The following RANBP17 variants were observed in gnomAD, a reference collection of about 807,000 sequenced individuals.
RANBP17 encodes ran-binding protein 17.
In RANBP17, 158 loss-of-function variants were observed where a neutral mutation model predicts 141.2. The observed-to-expected ratio is 1.12, with a 90% CI of 0.98 to 1.28. RANBP17 has a LOEUF of 1.28. Among genes scored for constraint, RANBP17 ranks in the 50% most tolerant of loss-of-function variants. The pLI is 0.00. For missense variants in RANBP17, 1,438 were observed against 1,290.7 expected, an observed-to-expected ratio of 1.11 and a Z score of -1.75; for synonymous variants, 430 against 450.0, an observed-to-expected ratio of 0.96 and a Z score of 0.56.
chr5:171,094,338 T>C (rs75198189), intron 14 of RANBP17, among the ~76,000 whole-genome samples: 2 of 152,130 alleles, frequency 1.3e-5, no homozygotes, highest in African/African-American at 4.8e-5. Context: ...ACATTTTCTT[T>C]AGTAAAAATA....
chr5:171,048,393 G>C (rs1022748998), intron 14 of RANBP17, among the ~76,000 whole-genome samples: 1 of 151,974 alleles, frequency 6.6e-6, no homozygotes, highest in Admixed American at 6.6e-5. Context: ...TTTTTAATCT[G>C]TTCACACAAT....
At chr5:170,875,417 A>C (rs981065517) in intron 1 of RANBP17, among the ~76,000 whole-genome samples, 2 of 152,114 alleles carry the variant, frequency 1.3e-5, no homozygotes, top group African/African-American at 4.8e-5. Flanking sequence ...GTGTTTTCCA[A>C]CTTGGTTCCA....
intron 3 of RANBP17, among the ~76,000 whole-genome samples, chr5:170,888,166 TGTGTTCGGTATG>T (rs771348099): frequency 3.3e-4 from 51 of 152,276 alleles, no homozygotes; most frequent in Middle Eastern, 3.4e-3. Flanking sequence ...ATTTTGGTAT[TGTGTTCGGTATG>T]GTGTTCGGTA....
At chr5:171,048,527 A>G (rs1209811560) in intron 14 of RANBP17, among the ~76,000 whole-genome samples, 1 of 151,762 alleles carries the variant, frequency 6.6e-6, no homozygotes, top group Non-Finnish European at 1.5e-5. Context: ...GGTTTGTTAC[A>G]TAGGTAAATT....
At chr5:171,066,043 G>A (rs1456427106) in intron 14 of RANBP17, among the ~76,000 whole-genome samples, 1 of 151,786 alleles carries the variant, frequency 6.6e-6, no homozygotes, top group Non-Finnish European at 1.5e-5. Flanking sequence ...TGTATTTTTA[G>A]TAGAGACAGG....
intron 12 of RANBP17, among the ~76,000 whole-genome samples, chr5:170,951,395 G>C (rs1044509861): frequency 2.0e-5 from 3 of 152,034 alleles, no homozygotes; most frequent in African/African-American, 7.2e-5. Context: ...ACAAACAATG[G>C]AATGTTATTC....
At chr5:171,035,566 T>G (rs79193501) in intron 14 of RANBP17, among the ~76,000 whole-genome samples, 8,508 of 150,602 alleles carry the variant, frequency 0.056, 370 homozygotes, top group Admixed American at 0.13. Context: ...TAGGGTTTTT[T>G]TTTTTAATGA....
At chr5:170,927,627 G>A (rs959061233) in intron 12 of RANBP17, among the ~76,000 whole-genome samples, 1 of 151,774 alleles carries the variant, frequency 6.6e-6, no homozygotes, top group African/African-American at 2.4e-5. Flanking sequence ...TGAGCTCCTT[G>A]GGTGTGATCA....
At chr5:171,176,384 A>C (rs984739446) in intron 16 of RANBP17, among the ~76,000 whole-genome samples, 3 of 152,136 alleles carry the variant, frequency 2.0e-5, no homozygotes, top group Non-Finnish European at 4.4e-5. Flanking sequence ...TAGTAAGACT[A>C]AAATAGTGAT....
At chr5:171,290,977 A>G (rs965866336) in intron 25 of RANBP17, among the ~76,000 whole-genome samples, 3 of 152,266 alleles carry the variant, frequency 2.0e-5, no homozygotes, top group South Asian at 2.1e-4. Context: ...TTTTATATGT[A>G]AAGAAAGAAA....
chr5:171,118,400 G>T (rs1478429179), intron 14 of RANBP17, among the ~76,000 whole-genome samples: 1 of 151,900 alleles, frequency 6.6e-6, no homozygotes, highest in East Asian at 1.9e-4. Flanking sequence ...GCTTCTATAC[G>T]ACTTTTAGGA....
intron 3 of RANBP17, among the ~76,000 whole-genome samples, chr5:170,882,700 G>A (rs1303640686): frequency 1.3e-5 from 2 of 152,134 alleles, no homozygotes; most frequent in Non-Finnish European, 2.9e-5. Context: ...ATCATTTGGG[G>A]TATATGTAAA....
intron 14 of RANBP17, among the ~76,000 whole-genome samples, chr5:171,135,696 G>T (rs979264487): frequency 1.1e-4 from 17 of 152,260 alleles, no homozygotes; most frequent in East Asian, 7.7e-4. Context: ...TAAAAATAGA[G>T]TAAAGAGAAA....
intron 14 of RANBP17, among the ~76,000 whole-genome samples, chr5:171,138,814 G>A (rs911371288): frequency 6.6e-6 from 1 of 152,150 alleles, no homozygotes; most frequent in African/African-American, 2.4e-5. Flanking sequence ...GTTCACACTA[G>A]TAATCCCAAC....
Position 170,957,107 on chromosome 5 carries a change from A to ACACACGCG in RANBP17, c.1574+3406_1574+3407insACACGCGC, listed in dbSNP as rs542213195. ...CACACACACACACACACACACACACACGCGCACACTGCCACTATCTCGTGA... is the reference window on the plus strand; with the variant it reads ...CACACACACACACACACACACACACACACACGCGCGCGCACACTGCCACTATCTCGTGA... On this transcript the variant is annotated intron_variant, in intron 13 of 27. Coordinates refer to ENST00000523189, the MANE Select transcript of RANBP17 (RefSeq NM_022897.5). Among the ~76,000 whole-genome samples the ACACACGCG allele has an allele frequency of 4.3e-4, 65 of 150,532 alleles. 1 individual carries two copies. The South Asian group carries it at 0.011, about 25-fold the overall frequency.
intron 14 of RANBP17, among the ~76,000 whole-genome samples, chr5:171,121,108 G>T (rs1199565893): frequency 6.6e-6 from 1 of 152,240 alleles, no homozygotes; most frequent in East Asian, 1.9e-4. Context: ...TGTTTCTTAT[G>T]TTAGGAGCAT....
chr5:170,926,541 A>G (rs111384391), intron 12 of RANBP17, among the ~76,000 whole-genome samples: 2 of 152,010 alleles, frequency 1.3e-5, no homozygotes, highest in African/African-American at 4.8e-5. Flanking sequence ...ATGTATTTTG[A>G]CATTAATCAT....
chr5:171,106,115 C>G (rs1400576778), intron 14 of RANBP17, among the ~76,000 whole-genome samples: 3 of 151,484 alleles, frequency 2.0e-5, no homozygotes, highest in Non-Finnish European at 4.4e-5. Context: ...GGAATAGATC[C>G]ATTGTGAAAT....
chr5:171,210,861 C>T (rs544459026), intron 20 of RANBP17, among the ~76,000 whole-genome samples: 24 of 151,902 alleles, frequency 1.6e-4, no homozygotes, highest in African/African-American at 5.5e-4. Context: ...AAATATTAGC[C>T]GGGCATGGTG....
Sources: allele counts gnomAD v4.1 joint callset (sites outside exome capture counted in the v4.1 genomes callset), GRCh38; gene constraint gnomAD v4.1.1; transcripts MANE v1.5; gene names NCBI Gene and HGNC (gene_info 2026-07-23, HGNC 2026-07-21).